The following SORCS2 variants were observed in gnomAD, a reference collection of about 807,000 sequenced individuals.
SORCS2 encodes the protein VPS10 domain-containing receptor SorCS2.
Under a neutral mutation model 141.6 loss-of-function variants are expected in SORCS2, and 100 were observed. The observed-to-expected ratio is 0.71, with a 90% CI of 0.60 to 0.83. The LOEUF is 0.83. Among genes scored for constraint, SORCS2 ranks in the 40% least tolerant of loss-of-function variants. The pLI is 0.00. For synonymous variants in SORCS2, 789 were observed against 676.9 expected (o/e 1.17, Z -2.57); for missense variants, 1,646 against 1,560.2 (o/e 1.05, Z -0.93).
intron 1 of SORCS2, among the ~76,000 whole-genome samples, chr4:7,322,856 C>T (rs1160925997): frequency 3.3e-5 from 5 of 152,198 alleles, no homozygotes; most frequent in Non-Finnish European, 2.9e-5. Context: ...GCCTCAAGAG[C>T]ACTGACCAGC....
chr4:7,215,216 A>G (rs557427398), intron 1 of SORCS2, among the ~76,000 whole-genome samples: 1 of 152,228 alleles, frequency 6.6e-6, no homozygotes, highest in African/African-American at 2.4e-5. Flanking sequence ...AGGGCCCTGC[A>G]TTCCGAGCAG....
chr4:7,293,845 A>T (rs1479197026), intron 1 of SORCS2, among the ~76,000 whole-genome samples: 1 of 152,074 alleles, frequency 6.6e-6, no homozygotes, highest in Non-Finnish European at 1.5e-5. Flanking sequence ...TCTCTCTTTC[A>T]TTAGTGCTTT....
At chr4:7,436,480 C>T (rs890880294) in intron 2 of SORCS2, among the ~76,000 whole-genome samples, 9 of 152,380 alleles carry the variant, frequency 5.9e-5, no homozygotes, top group East Asian at 3.9e-4. Context: ...CCCACCCCCA[C>T]GGCGCTGCCT....
intron 2 of SORCS2, among the ~76,000 whole-genome samples, chr4:7,442,859 G>A (rs1441491310): frequency 6.6e-6 from 1 of 152,024 alleles, no homozygotes; most frequent in Non-Finnish European, 1.5e-5. Flanking sequence ...TCCTTTTGCA[G>A]TTCTGGGGGT....
chr4:7,310,285 A>C (rs1401071575), intron 1 of SORCS2, among the ~76,000 whole-genome samples: 9 of 152,222 alleles, frequency 5.9e-5, no homozygotes, highest in African/African-American at 2.2e-4. Flanking sequence ...AGAAATGAGG[A>C]AACTCAGTCA....
chr4:7,353,341 T>G (rs1721063261), intron 1 of SORCS2, among the ~76,000 whole-genome samples: 1 of 152,198 alleles, frequency 6.6e-6, no homozygotes, highest in Admixed American at 6.5e-5. Context: ...ACTTCCAGCC[T>G]TGGTGCCAAG....
intron 1 of SORCS2, among the ~76,000 whole-genome samples, chr4:7,352,978 C>T (rs536115329): frequency 1.2e-4 from 19 of 152,322 alleles, no homozygotes; most frequent in African/African-American, 4.6e-4. Flanking sequence ...GATTAGGAAA[C>T]AGGCTCAGAG....
At chr4:7,688,777 G>C (rs117591017) in intron 10 of SORCS2, among the ~76,000 whole-genome samples, 1 of 152,284 alleles carries the variant, frequency 6.6e-6, no homozygotes, top group East Asian at 1.9e-4. Flanking sequence ...TGTTGGTTCA[G>C]TGGGGTCTCT....
Position 7,253,023 on chromosome 4 carries a change from C to T in SORCS2, c.480+59897C>T, listed in dbSNP as rs1036578714. Among the ~76,000 whole-genome samples the T allele has an allele frequency of 3.3e-5, 5 of 152,400 alleles. No individual in the cohort carries two copies. In the East Asian group the frequency reaches 9.6e-4, roughly 29 times the overall value. On this transcript the variant is annotated intron_variant, in intron 1 of 26. Transcript: ENST00000507866. ...CAGAGGCCACAGCTTGGACCCCTGA[C>T]ACTGCCTGGACTCAGCCCCTGAATC...
At chr4:7,686,876 CA>C (rs1723913610) in intron 10 of SORCS2, among the ~76,000 whole-genome samples, 1 of 152,222 alleles carries the variant, frequency 6.6e-6, no homozygotes, top group Non-Finnish European at 1.5e-5. Flanking sequence ...CAAAAGGGTT[CA>C]TAGAGCCGCC....
chr4:7,489,233 C>G (rs1463972629), intron 2 of SORCS2, among the ~76,000 whole-genome samples: 1 of 152,190 alleles, frequency 6.6e-6, no homozygotes, highest in Non-Finnish European at 1.5e-5. Flanking sequence ...GAAGCTGGAA[C>G]TGGTTGCCTA....
At chr4:7,661,401 A>G in intron 5 of SORCS2, 99 bp from the exon 6 acceptor site, 2 of 1,326,358 alleles carry the variant, frequency 1.5e-6, no homozygotes. Context: ...GCGGCTTCAG[A>G]ACCAGGGAGG....
chr4:7,549,960 A>G (rs1307098786), intron 3 of SORCS2, among the ~76,000 whole-genome samples: 1 of 152,188 alleles, frequency 6.6e-6, no homozygotes, highest in Non-Finnish European at 1.5e-5. Context: ...ATGAGTTCTC[A>G]TATTTGCTCC....
intron 25 of SORCS2, among the ~76,000 whole-genome samples, chr4:7,734,779 C>G (rs771684965): frequency 1.5e-4 from 23 of 152,190 alleles, no homozygotes; most frequent in Non-Finnish European, 3.1e-4. Flanking sequence ...GACCCAGGCC[C>G]GCCCACATCC....
chr4:7,574,757 C>T lies in SORCS2; in HGVS notation c.648+43128C>T, dbSNP rs140257478. Among the ~76,000 whole-genome samples, 1,317 of 152,258 alleles carry T rather than the reference C, an allele frequency of 8.6e-3. 23 individuals are homozygous for T. Among genetic ancestry groups the T allele is most frequent in the African/African-American group, 0.03 (1,234 of 41,548 alleles). On this transcript the variant is annotated intron_variant, in intron 3 of 26. Transcript: ENST00000507866. Reference sequence around the variant, plus strand: ...CAACCCCCATGAGCAGGAGGAAGGGCGGCTCCTCTGACTGCATCTGTGGGG... The same window carrying T: ...CAACCCCCATGAGCAGGAGGAAGGGTGGCTCCTCTGACTGCATCTGTGGGG...
intron 2 of SORCS2, among the ~76,000 whole-genome samples, chr4:7,449,273 T>C (rs62277612): frequency 0.016 from 13 of 804 alleles, no homozygotes; most frequent in Non-Finnish European, 0.015. Flanking sequence ...CTCCCTCCCT[T>C]CCTCCCTCCC....
intron 8 of SORCS2, among the ~76,000 whole-genome samples, chr4:7,671,811 A>G (rs1240715707): frequency 6.6e-6 from 1 of 152,194 alleles, no homozygotes; most frequent in Non-Finnish European, 1.5e-5. Context: ...TAATGGCCCA[A>G]AACTCCCCCA....
intron 3 of SORCS2, among the ~76,000 whole-genome samples, chr4:7,555,435 C>T (rs1320341157): frequency 1.3e-5 from 2 of 152,236 alleles, no homozygotes; most frequent in Non-Finnish European, 2.9e-5. Context: ...CCTCCACCAG[C>T]CCTTGCTGGC....
chr4:7,315,443 A>G (rs1395049099), intron 1 of SORCS2, among the ~76,000 whole-genome samples: 1 of 152,218 alleles, frequency 6.6e-6, no homozygotes, highest in Non-Finnish European at 1.5e-5. Context: ...CCAGGCAATG[A>G]ACACTGACTG....
Sources: allele counts gnomAD v4.1 joint callset (sites outside exome capture counted in the v4.1 genomes callset), GRCh38; gene constraint gnomAD v4.1.1; transcripts MANE v1.5; gene names NCBI Gene and HGNC (gene_info 2026-07-23, HGNC 2026-07-21).